Variants in NRG1 observed in about 807,000 individuals in gnomAD.
The protein encoded by NRG1 is neuregulin 1.
NRG1 carries 18 observed loss-of-function variants against 63.8 expected under a neutral mutation model. That is an observed-to-expected ratio of 0.28 (90% CI 0.19 to 0.42). The LOEUF is 0.42. Among genes scored for constraint, NRG1 ranks in the 10% least tolerant of loss-of-function variants. The probability of loss-of-function intolerance (pLI) is 1.00; values close to 1 mark genes in which losing one functional copy is unlikely to be tolerated. For missense variants in NRG1, 762 were observed against 814.7 expected, an observed-to-expected ratio of 0.94 and a Z score of 0.79; for synonymous variants, 302 against 301.3, an observed-to-expected ratio of 1.00 and a Z score of -0.02.
At chr8:32,203,520 C>A (rs1452830897) in intron 1 of NRG1, among the ~76,000 whole-genome samples, 1 of 151,828 alleles carries the variant, frequency 6.6e-6, no homozygotes. Context: ...ACTACAGGCA[C>A]CAGCTAACTT....
At chr8:32,074,810 C>G (rs1371523456) in intron 1 of NRG1, among the ~76,000 whole-genome samples, 1 of 152,146 alleles carries the variant, frequency 6.6e-6, no homozygotes, top group African/African-American at 2.4e-5. Flanking sequence ...GATTTATAAA[C>G]AAATTATTGA....
chr8:31,698,819 C>T (rs1017400586), intron 1 of NRG1, among the ~76,000 whole-genome samples: 2 of 152,142 alleles, frequency 1.3e-5, no homozygotes, highest in Admixed American at 1.3e-4. Flanking sequence ...TTGTTTTCAT[C>T]AGAAATTCCT....
At chr8:32,320,156 T>C (rs1295633113) in intron 1 of NRG1, among the ~76,000 whole-genome samples, 1 of 152,184 alleles carries the variant, frequency 6.6e-6, no homozygotes, top group African/African-American at 2.4e-5. Flanking sequence ...ATCATACTAT[T>C]GTTATGATTT....
intron 5 of NRG1, among the ~76,000 whole-genome samples, chr8:32,702,175 G>A (rs1815073245): frequency 6.6e-6 from 1 of 152,196 alleles, no homozygotes; most frequent in Non-Finnish European, 1.5e-5. Flanking sequence ...ATGTTTTAGG[G>A]AAGTGTATCC....
At chr8:32,372,720 T>C (rs926890417) in intron 1 of NRG1, among the ~76,000 whole-genome samples, 2 of 152,188 alleles carry the variant, frequency 1.3e-5, no homozygotes, top group Non-Finnish European at 2.9e-5. Flanking sequence ...CTCCCAACTT[T>C]CACTTCCTAC....
Position 32,304,532 on chromosome 8 carries a change from A to G in NRG1, c.38-291296A>G, listed in dbSNP as rs1486922515. Among the ~76,000 whole-genome samples the G allele has an allele frequency of 2.0e-5, 3 of 152,178 alleles. 1 individual carries two copies. The highest frequency in any genetic ancestry group is 7.2e-5 in the African/African-American group (3 of 41,468). On this transcript the variant is annotated intron_variant, in intron 1 of 10. Transcript: ENST00000519301. ...TTAGTAAAACTTTCAAAAAAATCCTAAAGACAGTTTATTTGATGATTTTTG... is the reference window on the plus strand; with the variant it reads ...TTAGTAAAACTTTCAAAAAAATCCTGAAGACAGTTTATTTGATGATTTTTG...
chr8:32,274,684 C>A (rs1851904167), intron 1 of NRG1, among the ~76,000 whole-genome samples: 1 of 152,136 alleles, frequency 6.6e-6, no homozygotes, highest in Admixed American at 6.6e-5. Flanking sequence ...ACAGTTTTAC[C>A]ATCTTCCCTA....
At chr8:31,809,741 G>GGTTTTTTTTTTTTTTTTTTTTTTTTATT (rs1554539613) in intron 1 of NRG1, among the ~76,000 whole-genome samples, 1 of 68,018 alleles carries the variant, frequency 1.5e-5, no homozygotes, top group Non-Finnish European at 2.6e-5. Flanking sequence ...TCTATTAATT[G>GGTTTTTTTTTTTTTTTTTTTTTTTTATT]TTTTTTTTTT....
intron 5 of NRG1, among the ~76,000 whole-genome samples, chr8:32,685,017 C>T (rs1203528256): frequency 3.3e-5 from 5 of 152,032 alleles, no homozygotes; most frequent in African/African-American, 1.2e-4. Flanking sequence ...CCATTTTCCC[C>T]AATGGTAACA....
chr8:32,407,318 AT>A (rs199667681), intron 1 of NRG1, among the ~76,000 whole-genome samples: 125 of 3,646 alleles, frequency 0.034, 3 homozygotes, highest in South Asian at 0.057. Flanking sequence ...ATATATATAT[AT>A]TATATATATA....
At chr8:31,911,435 G>A (rs982506987) in intron 1 of NRG1, among the ~76,000 whole-genome samples, 1 of 152,154 alleles carries the variant, frequency 6.6e-6, no homozygotes, top group Non-Finnish European at 1.5e-5. Flanking sequence ...TCCTTGGCAG[G>A]AACATGGATG....
intron 1 of NRG1, among the ~76,000 whole-genome samples, chr8:31,736,162 C>A (rs547923980): frequency 4.6e-5 from 7 of 152,230 alleles, no homozygotes; most frequent in South Asian, 2.1e-4. Context: ...TTTCTACCAC[C>A]GCCCTCAGGT....
intron 1 of NRG1, among the ~76,000 whole-genome samples, chr8:32,164,678 C>T (rs184151078): frequency 5.8e-4 from 89 of 152,316 alleles, no homozygotes; most frequent in African/African-American, 2.0e-3. Flanking sequence ...GAAGGATACT[C>T]ACAACATAAG....
intron 1 of NRG1, among the ~76,000 whole-genome samples, chr8:31,849,318 A>G (rs1826993597): frequency 6.6e-6 from 1 of 152,204 alleles, no homozygotes. Flanking sequence ...CCCACACCGC[A>G]CAGCTGCATA....
chr8:32,052,271 GTTTTT>G (rs5890615), intron 1 of NRG1, among the ~76,000 whole-genome samples: 2 of 91,404 alleles, frequency 2.2e-5, no homozygotes, highest in African/African-American at 3.9e-5. Flanking sequence ...CTTTCCTCCT[GTTTTT>G]TTTTTTTTTT....
intron 5 of NRG1, among the ~76,000 whole-genome samples, chr8:32,711,631 T>C (rs1419178053): frequency 6.6e-6 from 1 of 152,162 alleles, no homozygotes; most frequent in Non-Finnish European, 1.5e-5. Flanking sequence ...AAGAAGATGT[T>C]TAAGAACAAA....
intron 5 of NRG1, among the ~76,000 whole-genome samples, chr8:32,692,130 C>T (rs1364979539): frequency 6.6e-6 from 1 of 152,184 alleles, no homozygotes; most frequent in Admixed American, 6.5e-5. Context: ...TTTCCAAATA[C>T]AATCAGTGAT....
At chr8:32,034,395 A>T (rs1211053209) in intron 1 of NRG1, among the ~76,000 whole-genome samples, 1 of 152,130 alleles carries the variant, frequency 6.6e-6, no homozygotes, top group Non-Finnish European at 1.5e-5. Flanking sequence ...CATCAGGGTT[A>T]TTGGCCTGAA....
At chr8:31,639,536 C>T in intron 1 of NRG1, 1 of 1,474,582 alleles carries the variant, frequency 6.8e-7, no homozygotes, top group African/African-American at 1.4e-5. Flanking sequence ...CGCTCTCTCC[C>T]AGCCGCTTGC....
Sources: gnomAD v4.1 joint callset for allele counts (sites outside exome capture counted in the v4.1 genomes callset) on GRCh38, gnomAD v4.1.1 for gene constraint, MANE v1.5 for transcripts, NCBI Gene and HGNC (gene_info 2026-07-23, HGNC 2026-07-21) for gene names.